WNK3: variants seen among roughly 807,000 people sequenced by gnomAD.
The protein encoded by WNK3 is WNK lysine deficient protein kinase 3, also known as serine/threonine-protein kinase WNK3.
In WNK3, 18 loss-of-function variants were observed where a neutral mutation model predicts 116.7. The observed-to-expected ratio is 0.15, with a 90% CI of 0.11 to 0.23. The LOEUF is 0.23. WNK3 is among the 10% of genes least tolerant of loss of function. The pLI is 1.00. For missense variants in WNK3, 993 were observed against 1,323.8 expected (o/e 0.75, Z 3.88); for synonymous variants, 404 against 469.4 (o/e 0.86, Z 1.80).
chrX:54,269,736 G>T (rs2068357786), intron 10 of WNK3, among the ~76,000 whole-genome samples: 1 of 110,602 alleles, frequency 9.0e-6, no homozygotes, highest in South Asian at 3.9e-4. Context: ...TACCAGCAAT[G>T]AAACAAACTA....
At chrX:54,323,312 TAAGACA>T (rs1193390729) in intron 2 of WNK3, among the ~76,000 whole-genome samples, 1 of 110,561 alleles carries the variant, frequency 9.0e-6, no homozygotes, top group Admixed American at 9.8e-5. Context: ...TGAGAAAACA[TAAGACA>T]AAGTCAAATT....
rs1557168983 is a variant in WNK3 at position 54,307,931 on chromosome X, T to C, written c.1080A>G (p.Lys360=). 20 of 1,190,784 alleles carry C rather than the reference T, an allele frequency of 1.7e-5. No individual in the cohort carries two copies. The highest frequency in any genetic ancestry group is 2.3e-5 in the Admixed American group (1 of 43,111). Residue 360 remains lysine, a synonymous_variant, in exon 5 of 24, where the codon AAA becomes AAG. Coordinates refer to ENST00000354646, the Ensembl canonical transcript of WNK3. ...AAAAAGTTATACCTACACTAGTTAC[T>C]TTCCGGTATATTTGAGCTGCATTCT...
At chrX:54,312,604 A>C (rs1322495435) in intron 2 of WNK3, among the ~76,000 whole-genome samples, 8 of 108,995 alleles carry the variant, frequency 7.3e-5, no homozygotes, top group Non-Finnish European at 1.3e-4. Flanking sequence ...CGCCCGGCTA[A>C]TTTTTGTATT....
At chrX:54,293,467 AC>A in intron 8 of WNK3, 140 bp from the exon 9 acceptor site, 1 of 403,749 alleles carries the variant, frequency 2.5e-6, no homozygotes, top group Non-Finnish European at 4.0e-6. Context: ...TATTTACACT[AC>A]AACATTAATC....
At chrX:54,283,763 T>C in intron 10 of WNK3, among the ~76,000 whole-genome samples, 1 of 73,754 alleles carries the variant, frequency 1.4e-5, no homozygotes, top group Non-Finnish European at 2.5e-5. Context: ...AACAAGACTG[T>C]CTCAAAAAAA....
chrX:54,224,436 CCTT>C (rs1196639292), intron 22 of WNK3, among the ~76,000 whole-genome samples: 3 of 105,668 alleles, frequency 2.8e-5, no homozygotes, highest in Admixed American at 1.1e-4. Flanking sequence ...TAATAATTCT[CCTT>C]CAGCCAAATA....
intron 1 of WNK3, among the ~76,000 whole-genome samples, chrX:54,345,262 CAACAACAACAACTATA>C (rs1238933471): frequency 9.8e-6 from 1 of 101,583 alleles, no homozygotes; most frequent in Non-Finnish European, 2.0e-5. Context: ...ACAACAACAA[CAACAACAACAACTATA>C]TATATATGTA....
At chrX:54,285,175 C>T (rs1266944097) in intron 10 of WNK3, among the ~76,000 whole-genome samples, 2 of 110,823 alleles carry the variant, frequency 1.8e-5, no homozygotes, top group African/African-American at 3.3e-5. Flanking sequence ...GGGAAGCCAA[C>T]GTGGGAAGAC....
At chrX:54,258,483 A>G (rs1394115444) in intron 11 of WNK3, among the ~76,000 whole-genome samples, 4 of 108,019 alleles carry the variant, frequency 3.7e-5, no homozygotes, top group African/African-American at 1.3e-4. Context: ...ACAGGCGTAC[A>G]TCACCACACC....
rs1023910957 is a variant in WNK3, at chrX:54,250,222, T to A, written c.2576-91A>T. ...AAGAAGCCAGGTTAAATAAACAATT[T>A]GTCTTATATCTCCATTTCTAATAGT... On this transcript the variant is annotated intron_variant, in intron 15 of 23. Coordinates refer to ENST00000354646, the Ensembl canonical transcript of WNK3. 75 of 884,971 alleles carry A rather than the reference T, an allele frequency of 8.5e-5. 1 individual carries two copies. The highest frequency in any genetic ancestry group is 1.1e-4 in the Non-Finnish European group (74 of 652,348). 72.9% of individuals were successfully genotyped at this position (884,971 alleles called of 1,213,427 possible). A position where few individuals can be genotyped will look rare whatever the true frequency, so the allele number is the denominator to read the frequency against.
intron 17 of WNK3, among the ~76,000 whole-genome samples, chrX:54,243,138 G>A (rs1182313169): frequency 2.8e-5 from 3 of 108,253 alleles, no homozygotes; most frequent in Admixed American, 9.8e-5. Context: ...TCTTACGGCC[G>A]GGCACGGTGG....
chrX:54,307,304 A>C (rs575774635), intron 5 of WNK3, among the ~76,000 whole-genome samples: 1 of 111,213 alleles, frequency 9.0e-6, no homozygotes, highest in South Asian at 3.8e-4. Context: ...ACAATCTTTC[A>C]CAGCCTGTCT....
intron 1 of WNK3, among the ~76,000 whole-genome samples, chrX:54,351,026 T>C (rs1557178454): frequency 9.0e-6 from 1 of 111,035 alleles, no homozygotes; most frequent in Non-Finnish European, 1.9e-5. Context: ...ACTATGTATT[T>C]CTAAATGTAC....
At chrX:54,257,244 T>A (rs945502192) in intron 11 of WNK3, among the ~76,000 whole-genome samples, 28 of 110,444 alleles carry the variant, frequency 2.5e-4, no homozygotes, top group African/African-American at 9.2e-4. Context: ...GTAGGCCCTG[T>A]CCTTCCCCAG....
At chrX:54,307,961 C>T in exon 5 of WNK3, 1 of 1,200,599 alleles carries the variant, frequency 8.3e-7, no homozygotes, top group East Asian at 3.0e-5. Context: ...CATTCTGACA[C>T]TCAGAATAAG....
In WNK3 at chrX:54,292,871, T is replaced by C; in HGVS notation, c.2037+17A>G. ...AATTTGTTTAAATGAATACAGAACC[T>C]CTAAAATGTGTCTTACCTTTATCTG... On this transcript the variant is annotated intron_variant, in intron 10 of 23. Transcript: ENST00000354646. 8.3e-7 allele frequency: 1 copy of C among 1,202,668 alleles called. No homozygotes were observed. The highest frequency in any genetic ancestry group is 1.1e-6 in the Non-Finnish European group (1 of 891,487).
chrX:54,259,130 A>C (rs1357777913), intron 11 of WNK3, 144 bp downstream of exon 11: 13 of 327,368 alleles, frequency 4.0e-5, no homozygotes, highest in South Asian at 1.3e-4. Flanking sequence ...AAAAAAAAAA[A>C]AAAAAACTAT....
In WNK3 at chrX:54,318,096, C is replaced by T. The variant is rs782179972; in HGVS notation, c.538-6805G>A. On this transcript the variant is annotated intron_variant, in intron 2 of 23. Transcript: ENST00000354646. ...TAAGATGGCTGGGCACAGTGGCTCA[C>T]GCCTGTAATCCCAGCACTTTGGGAG... Among the ~76,000 whole-genome samples the T allele has an allele frequency of 2.6e-3, 284 of 109,955 alleles. 1 individual carries two copies. Among genetic ancestry groups the T allele is most frequent in the African/African-American group, 8.6e-3 (262 of 30,383 alleles).
chrX:54,306,955 C>T (rs150460581), intron 5 of WNK3, among the ~76,000 whole-genome samples: 82 of 109,951 alleles, frequency 7.5e-4, no homozygotes, highest in East Asian at 7.2e-3. Flanking sequence ...TTTGGCCAGG[C>T]GCGGTGGCTC....
Sources: gnomAD v4.1 joint callset for allele counts (sites outside exome capture counted in the v4.1 genomes callset) on GRCh38, gnomAD v4.1.1 for gene constraint, MANE v1.5 for transcripts, NCBI Gene and HGNC (gene_info 2026-07-23, HGNC 2026-07-21) for gene names.